Variants in SUSD5 observed in about 807,000 individuals in gnomAD.
The protein encoded by SUSD5 is sushi domain containing 5, also known as sushi domain-containing protein 5.
A neutral mutation model predicts 29.5 loss-of-function variants in SUSD5; 33 were observed. The ratio of observed to expected loss-of-function variants is 1.12; its 90% CI spans 0.85 to 1.49. SUSD5 has a LOEUF of 1.49. SUSD5 is among the 40% of genes most tolerant of loss of function. The pLI is 0.00. For missense variants in SUSD5, 776 were observed against 800.6 expected (o/e 0.97, Z 0.37); for synonymous variants, 308 against 325.3 (o/e 0.95, Z 0.57).
At chr3:33,166,007 CT>C (rs1266032959) in intron 4 of SUSD5, among the ~76,000 whole-genome samples, 3 of 108,324 alleles carry the variant, frequency 2.8e-5, no homozygotes, top group Non-Finnish European at 4.5e-5. Context: ...TGAGACCCCC[CT>C]CTCCAAAAAA....
In SUSD5 at chr3:33,204,319, T is replaced by A. The variant is rs1405243495; in HGVS notation, c.409+3489A>T. Among the ~76,000 whole-genome samples the A allele has an allele frequency of 6.6e-6, 1 of 151,844 alleles. No individual in the cohort carries two copies. Among genetic ancestry groups the A allele is most frequent in the African/African-American group, 2.4e-5 (1 of 41,300 alleles). On this transcript the variant is annotated intron_variant, in intron 3 of 4. Transcript: ENST00000309558. This position sits in a 1 kb window ranked among gnomAD's most constrained non-coding sequence, Gnocchi z 4.5. ...TGCCCAGCCTGAGCTTTTTTGTTTGTTTGTTTGTTTGTTTGTTTTTTGAGA... is the reference window on the plus strand; with the variant it reads ...TGCCCAGCCTGAGCTTTTTTGTTTGATTGTTTGTTTGTTTGTTTTTTGAGA...
chr3:33,210,785 T>G (rs1026373360), intron 2 of SUSD5, among the ~76,000 whole-genome samples: 2 of 152,188 alleles, frequency 1.3e-5, no homozygotes, highest in African/African-American at 4.8e-5. Context: ...GAGAATAATA[T>G]GTTTTAAAAA....
chr3:33,208,567 AT>A (rs2032266431), intron 2 of SUSD5, among the ~76,000 whole-genome samples: 1 of 151,928 alleles, frequency 6.6e-6, no homozygotes, highest in Non-Finnish European at 1.5e-5. Context: ...AGTTCTGCCC[AT>A]TCTCTCTTCC....
intron 3 of SUSD5, among the ~76,000 whole-genome samples, chr3:33,189,370 C>T (rs191538668): frequency 1.3e-4 from 20 of 148,320 alleles, no homozygotes; most frequent in South Asian, 6.5e-4. Context: ...CCCAGCTACT[C>T]GGGGACTGAG....
intron 4 of SUSD5, among the ~76,000 whole-genome samples, chr3:33,170,038 C>T (rs989966431): frequency 3.9e-5 from 6 of 152,142 alleles, no homozygotes; most frequent in African/African-American, 1.4e-4. Flanking sequence ...CTGCCTCAGC[C>T]TCCCGAGTAG....
chr3:33,176,110 A>T (rs996982953), intron 3 of SUSD5, among the ~76,000 whole-genome samples: 6 of 152,182 alleles, frequency 3.9e-5, no homozygotes, highest in African/African-American at 9.7e-5. Flanking sequence ...TAGCCTTTTC[A>T]GATTGGCTTC....
chr3:33,155,141 T>G (rs1446746580), intron 4 of SUSD5, among the ~76,000 whole-genome samples: 1 of 152,232 alleles, frequency 6.6e-6, no homozygotes, highest in Non-Finnish European at 1.5e-5. Flanking sequence ...AGAGTTAAAA[T>G]GCAAGGCAGA....
Position 33,152,874 on chromosome 3 carries a change from C to T in SUSD5, c.1758G>A (p.Leu586=). The change falls in exon 5 of 5, where the codon CTG becomes CTA. Residue 586 remains leucine (L), a synonymous_variant. Transcript: ENST00000309558. ...IATIVTVLCL[L]LLLAGVGMVW... ...CCATCCCCACACCTGCCAGGAGCAG[C>T]AGTAGGCACAGGACGGTGACAATGG... 1 of 1,613,982 alleles carries T rather than the reference C, an allele frequency of 6.2e-7. No individual in the cohort carries two copies. The highest frequency in any genetic ancestry group is 8.5e-7 in the Non-Finnish European group (1 of 1,179,886).
chr3:33,168,783 G>A (rs967158672), intron 4 of SUSD5, among the ~76,000 whole-genome samples: 1 of 152,242 alleles, frequency 6.6e-6, no homozygotes, highest in Admixed American at 6.5e-5. Context: ...CCAAGAAGCT[G>A]GGACTACAGG....
chr3:33,196,217 T>C (rs1425978322), intron 3 of SUSD5, among the ~76,000 whole-genome samples: 1 of 152,188 alleles, frequency 6.6e-6, no homozygotes, highest in Non-Finnish European at 1.5e-5. Flanking sequence ...GAATGCCACC[T>C]TGGGCCATGA....
At chr3:33,186,174 C>T (rs6771418) in intron 3 of SUSD5, among the ~76,000 whole-genome samples, 15,942 of 151,536 alleles carry the variant, frequency 0.11, 909 homozygotes, top group East Asian at 0.18. Context: ...TGGTGGCAGG[C>T]GCCTGTAGTC....
chr3:33,155,480 C>T (rs1285062320), intron 4 of SUSD5, among the ~76,000 whole-genome samples: 1 of 152,134 alleles, frequency 6.6e-6, no homozygotes, highest in Non-Finnish European at 1.5e-5. Context: ...ACTGGAACAA[C>T]CACGATGGAA....
intron 4 of SUSD5, among the ~76,000 whole-genome samples, chr3:33,163,577 C>T (rs138622608): frequency 4.5e-4 from 69 of 152,200 alleles, no homozygotes; most frequent in African/African-American, 1.6e-3. Context: ...AATATATAGG[C>T]TGGGCCAGGC....
chr3:33,214,654 T>C (rs9817873), intron 1 of SUSD5, among the ~76,000 whole-genome samples: 2,125 of 152,260 alleles, frequency 0.014, 46 homozygotes, highest in African/African-American at 0.049. Context: ...GGATGATGTC[T>C]GGTACACCTT....
At position 33,153,172 on chromosome 3, in the gene SUSD5, G is replaced by C; in HGVS notation, c.1460C>G (p.Ser487Cys). The C allele has an allele frequency of 6.2e-7, 1 of 1,613,860 alleles. No individual in the cohort carries two copies. Among genetic ancestry groups the C allele is most frequent in the South Asian group, 1.1e-5 (1 of 91,060 alleles). Reference protein sequence around the residue: ...ITEESPMATLSYELTSSTLEI... With the variant: ...ITEESPMATLCYELTSSTLEI... ...CAGGGTGGAGCTGGTGAGCTCATAG[G>C]ACAGGGTGGCCATGGGAGATTCCTC... Residue 487 changes from serine to cysteine, a missense_variant, in exon 5 of 5, where the codon TCC (serine) becomes TGC (cysteine). By Grantham distance (112) the Ser-to-Cys change is moderately radical. Coordinates refer to ENST00000309558, the MANE Select transcript of SUSD5 (RefSeq NM_015551.2).
intron 3 of SUSD5, among the ~76,000 whole-genome samples, chr3:33,203,927 G>C (rs549388099): frequency 4.6e-5 from 7 of 152,176 alleles, no homozygotes; most frequent in Admixed American, 3.3e-4. Context: ...GTTGTTGTTT[G>C]AGAGAGACAT....
chr3:33,199,603 T>A (rs886171983), intron 3 of SUSD5, among the ~76,000 whole-genome samples: 1 of 152,234 alleles, frequency 6.6e-6, no homozygotes, highest in Non-Finnish European at 1.5e-5. Flanking sequence ...TAAATTGGAT[T>A]ATACTATACA....
chr3:33,209,430 T>C (rs980092171), intron 2 of SUSD5, among the ~76,000 whole-genome samples: 1 of 152,172 alleles, frequency 6.6e-6, no homozygotes, highest in Non-Finnish European at 1.5e-5. Context: ...CTTTGTCTTT[T>C]ACCCTTTGTT....
At chr3:33,155,377 A>G (rs1326137112) in intron 4 of SUSD5, among the ~76,000 whole-genome samples, 2 of 152,220 alleles carry the variant, frequency 1.3e-5, no homozygotes, top group African/African-American at 4.8e-5. Flanking sequence ...TCATAATGAG[A>G]TACCACTGCA....
Sources: allele counts gnomAD v4.1 joint callset (sites outside exome capture counted in the v4.1 genomes callset), GRCh38; gene constraint gnomAD v4.1.1; non-coding constraint Gnocchi (gnomAD v3.1); transcripts MANE v1.5; gene names NCBI Gene and HGNC (gene_info 2026-07-23, HGNC 2026-07-21).